Variants in TNS1 observed in about 807,000 individuals in gnomAD.
TNS1 encodes tensin-1.
A neutral mutation model predicts 168.6 loss-of-function variants in TNS1; 62 were observed. The ratio of observed to expected loss-of-function variants is 0.37; its 90% confidence interval spans 0.30 to 0.45. The LOEUF is 0.45. Among genes scored for constraint, TNS1 ranks in the 20% least tolerant of loss-of-function variants. The pLI is 1.00. For missense variants in TNS1, 2,240 were observed against 2,339.4 expected, an observed-to-expected ratio of 0.96 and a Z score of 0.88; for synonymous variants, 934 against 933.2, an observed-to-expected ratio of 1.00 and a Z score of -0.02.
At chr2:217,895,632 G>T (rs970441829) in intron 8 of TNS1, among the ~76,000 whole-genome samples, 3 of 152,190 alleles carry the variant, frequency 2.0e-5, no homozygotes, top group African/African-American at 7.2e-5. Flanking sequence ...CATCAGAGGG[G>T]CAAACCATCC....
rs145895478 is a variant in TNS1 at position 217,821,386 on chromosome 2, G to A, written c.3572+354C>T. 5.9e-3 allele frequency among the ~76,000 whole-genome samples: 903 copies of A among 152,314 alleles called. 4 individuals are homozygous for A. The highest frequency in any genetic ancestry group is 7.5e-3 in the Non-Finnish European group (509 of 68,034). ...AACTGCATAAAGCACTTAGCAAAGT[G>A]CCAGGTACCTAGGATGAGCCCACTA... is the stretch of plus-strand genomic sequence containing the variant. On this transcript the variant is annotated intron_variant, in intron 23 of 32. Transcript: ENST00000682258.
At chr2:217,930,887 G>A (rs1250251057) in intron 3 of TNS1, among the ~76,000 whole-genome samples, 1 of 152,142 alleles carries the variant, frequency 6.6e-6, no homozygotes, top group Admixed American at 6.5e-5. Context: ...GAGGCTGGGG[G>A]ACAGGGCCGG....
chr2:217,829,728 G>A, intron 22 of TNS1: 2 of 1,198,512 alleles, frequency 1.7e-6, no homozygotes, highest in Non-Finnish European at 2.5e-6. Context: ...CCATGTGCCT[G>A]GTCGCCTGAG....
intron 18 of TNS1, among the ~76,000 whole-genome samples, chr2:217,875,976 G>A (rs749551410): frequency 1.3e-5 from 2 of 152,198 alleles, no homozygotes; most frequent in Non-Finnish European, 2.9e-5. Context: ...TGTCAGCCAG[G>A]CTGGGAGGTT....
intron 5 of TNS1, 126 bp from the exon 6 acceptor site, chr2:217,906,511 T>G: frequency 1.5e-6 from 1 of 649,990 alleles, no homozygotes; most frequent in Non-Finnish European, 2.8e-6. Flanking sequence ...AACTTTGGTC[T>G]TTGTTTCACA....
upstream of TNS1, among the ~76,000 whole-genome samples, chr2:218,004,903 G>A (rs1264702791): frequency 1.3e-5 from 2 of 152,226 alleles, no homozygotes; most frequent in Non-Finnish European, 2.9e-5. Context: ...TCCACATGCA[G>A]TTGGCCCTGC....
chr2:217,976,257 C>T (rs1010063575), intron 3 of TNS1, among the ~76,000 whole-genome samples: 1 of 152,178 alleles, frequency 6.6e-6, no homozygotes, highest in Non-Finnish European at 1.5e-5. Flanking sequence ...CAGCATTTGG[C>T]CCGTGGAAGG....
At chr2:217,842,908 C>A (rs1011062821) in intron 19 of TNS1, among the ~76,000 whole-genome samples, 2 of 152,100 alleles carry the variant, frequency 1.3e-5, no homozygotes, top group African/African-American at 4.8e-5. Context: ...GCCAGCCACC[C>A]CCTACCTCTC....
Position 217,815,010 on chromosome 2 carries a change from G to A in TNS1, c.4643-12C>T. The stretch of plus-strand genomic sequence containing the variant: ...CTCCGGGCTGTTGTCTAAAGCAGGA[G>A]AAGGGAAGAAAGTGTTATGGGTTAA... On this transcript the variant is annotated splice_polypyrimidine_tract_variant and intron_variant, in intron 24 of 32. Coordinates refer to ENST00000682258, the MANE Select transcript of TNS1 (RefSeq NM_001387777.1). 1 of 1,606,698 alleles carries A rather than the reference G, an allele frequency of 6.2e-7. No homozygotes were observed. The highest frequency in any genetic ancestry group is 2.2e-5 in the East Asian group (1 of 44,866).
At chr2:217,832,279 C>T (rs536038059) in intron 21 of TNS1, among the ~76,000 whole-genome samples, 1 of 152,310 alleles carries the variant, frequency 6.6e-6, no homozygotes, top group African/African-American at 2.4e-5. Context: ...CCTCCCAGGC[C>T]GCCCATCTGG....
chr2:217,866,518 A>G (rs1334704515), intron 18 of TNS1, among the ~76,000 whole-genome samples: 1 of 152,208 alleles, frequency 6.6e-6, no homozygotes, highest in Non-Finnish European at 1.5e-5. Context: ...ACTTACAGGA[A>G]GTCTGTAAAC....
At chr2:217,882,160 T>C (rs1950743082) in intron 17 of TNS1, 186 bp downstream of exon 17, 1 of 535,380 alleles carries the variant, frequency 1.9e-6, no homozygotes, top group Middle Eastern at 3.2e-4. Flanking sequence ...ATTTTTATTA[T>C]CCAGAGATTA....
chr2:217,833,524 T>A (rs1180445823), intron 21 of TNS1, among the ~76,000 whole-genome samples: 1 of 152,252 alleles, frequency 6.6e-6, no homozygotes, highest in African/African-American at 2.4e-5. Flanking sequence ...ACAGCCCAGG[T>A]GGCTTCCACC....
intron 19 of TNS1, among the ~76,000 whole-genome samples, chr2:217,845,023 G>T (rs1025968386): frequency 3.3e-5 from 5 of 152,232 alleles, no homozygotes; most frequent in African/African-American, 9.6e-5. Flanking sequence ...AGGAAAGTGT[G>T]ATGTATGCTA....
intron 19 of TNS1, among the ~76,000 whole-genome samples, chr2:217,846,804 C>G (rs1174215834): frequency 6.6e-6 from 1 of 152,248 alleles, no homozygotes; most frequent in Admixed American, 6.5e-5. Flanking sequence ...AGCCCACTCT[C>G]TGATAGGAAA....
intron 19 of TNS1, chr2:217,841,300 C>T (rs1412458333): frequency 1.0e-6 from 1 of 984,182 alleles, no homozygotes; most frequent in East Asian, 1.1e-4. Flanking sequence ...CCACCCCCCA[C>T]CCCAGGGGAG....
chr2:217,980,631 A>C (rs75312577), intron 2 of TNS1, among the ~76,000 whole-genome samples: 4,449 of 151,412 alleles, frequency 0.029, 230 homozygotes, highest in African/African-American at 0.1. Flanking sequence ...TGCGCACCCC[A>C]ATTTAGTCAT....
intron 19 of TNS1, among the ~76,000 whole-genome samples, chr2:217,840,947 G>C (rs915828429): frequency 1.3e-5 from 2 of 152,202 alleles, no homozygotes; most frequent in African/African-American, 4.8e-5. Context: ...AGGGAGAGAG[G>C]GCTGGAGAGA....
chr2:217,850,272 C>T (rs541742167), intron 18 of TNS1: 11 of 985,316 alleles, frequency 1.1e-5, no homozygotes, highest in East Asian at 1.1e-4. Context: ...AGAGGGGACA[C>T]GCTTTTCCTA....
Sources: allele counts gnomAD v4.1 joint callset (sites outside exome capture counted in the v4.1 genomes callset), GRCh38; gene constraint gnomAD v4.1.1; transcripts MANE v1.5; gene names NCBI Gene and HGNC (gene_info 2026-07-23, HGNC 2026-07-21).